Variants in IQSEC1 observed in about 807,000 individuals in gnomAD.
IQSEC1 encodes IQ motif and SEC7 domain-containing protein 1.
A neutral mutation model predicts 91.0 loss-of-function variants in IQSEC1; 31 were observed. That is an observed-to-expected ratio of 0.34 (90% confidence interval 0.26 to 0.46). IQSEC1 has a LOEUF of 0.46. IQSEC1 is among the 20% of genes least tolerant of loss of function. IQSEC1 has a pLI of 1.00. For missense variants in IQSEC1, 1,388 were observed against 1,575.6 expected (o/e 0.88, Z 2.02); for synonymous variants, 699 against 662.6 (o/e 1.05, Z -0.84).
At position 13,236,844 on chromosome 3, in the gene IQSEC1, C is replaced by T. The variant is rs530908667; in HGVS notation, c.272+45867G>A. Among the ~76,000 whole-genome samples, 19 of 152,330 alleles carry T rather than the reference C, an allele frequency of 1.2e-4. No homozygotes were observed. In the East Asian group the frequency reaches 2.9e-3, roughly 23 times the overall value. ...GGTCACCCCATGCAGCTGATGATGC[C>T]CCACCCCCACCCAGGGTACTTTGGG... is the stretch of plus-strand genomic sequence containing the variant. On this transcript the variant is annotated intron_variant, in intron 1 of 15. Coordinates refer to the IQSEC1 transcript ENST00000648114.
chr3:12,981,773 C>T (rs943016584), intron 1 of IQSEC1, among the ~76,000 whole-genome samples: 2 of 152,206 alleles, frequency 1.3e-5, no homozygotes, highest in African/African-American at 4.8e-5. Context: ...GGAGGACCCG[C>T]CTCCTGCTGC....
chr3:13,129,667 T>TC, intron 2 of IQSEC1, among the ~76,000 whole-genome samples: 1 of 149,370 alleles, frequency 6.7e-6, no homozygotes, highest in African/African-American at 2.5e-5. Flanking sequence ...TTTTTTTTTT[T>TC]TTTTTTTTGA....
At chr3:12,951,050 G>C (rs1699510180) in intron 1 of IQSEC1, among the ~76,000 whole-genome samples, 1 of 152,192 alleles carries the variant, frequency 6.6e-6, no homozygotes, top group Non-Finnish European at 1.5e-5. Flanking sequence ...GTTCAAGGCT[G>C]CAGTTAGCTA....
At chr3:12,918,963 T>G (rs542407151) in intron 6 of IQSEC1, among the ~76,000 whole-genome samples, 3 of 152,144 alleles carry the variant, frequency 2.0e-5, no homozygotes, top group African/African-American at 7.2e-5. Context: ...GGGCTGCCAA[T>G]AGCATGCAGC....
chr3:12,978,538 A>AT lies in IQSEC1; in HGVS notation c.24-36674dup, dbSNP rs550284651. 6.2e-4 allele frequency among the ~76,000 whole-genome samples: 94 copies of AT among 151,948 alleles called. 1 individual carries two copies. The South Asian group carries it at 0.019, about 31-fold the overall frequency. ...ACGGTGAAACCCCGTCTCTACTAAAATAAAAAAAACTACAAAAATTAGCCG... is the reference window on the plus strand; with the variant it reads ...ACGGTGAAACCCCGTCTCTACTAAAATTAAAAAAAACTACAAAAATTAGCCG... On this transcript the variant is annotated intron_variant, in intron 1 of 13. Transcript: ENST00000613206.
At chr3:13,246,662 G>T (rs1403403933) in intron 1 of IQSEC1, among the ~76,000 whole-genome samples, 2 of 152,206 alleles carry the variant, frequency 1.3e-5, no homozygotes, top group Non-Finnish European at 2.9e-5. Context: ...CCTGTGCCCT[G>T]CTCTGTGGAT....
intron 2 of IQSEC1, among the ~76,000 whole-genome samples, chr3:13,115,611 C>A (rs1003821206): frequency 6.6e-6 from 1 of 152,214 alleles, no homozygotes; most frequent in African/African-American, 2.4e-5. Flanking sequence ...CAGAGTCACT[C>A]GAGAGGGGCA....
At chr3:13,020,514 G>A (rs1703350772) in intron 1 of IQSEC1, among the ~76,000 whole-genome samples, 1 of 152,238 alleles carries the variant, frequency 6.6e-6, no homozygotes, top group African/African-American at 2.4e-5. Flanking sequence ...AGTAAACTGT[G>A]TGGCTGGGTT....
At chr3:12,984,814 C>CTT (rs1701642328) in intron 1 of IQSEC1, among the ~76,000 whole-genome samples, 2 of 138,478 alleles carry the variant, frequency 1.4e-5, no homozygotes, top group African/African-American at 5.7e-5. Flanking sequence ...AAAGCAATTA[C>CTT]ATTTTTTTTT....
chr3:13,279,572 C>A (rs551529579), intron 1 of IQSEC1, among the ~76,000 whole-genome samples: 1 of 152,228 alleles, frequency 6.6e-6, no homozygotes, highest in South Asian at 2.1e-4. Flanking sequence ...TAACTGTTGT[C>A]CCAGGACGAG....
chr3:13,023,720 C>T (rs989470047), intron 1 of IQSEC1, among the ~76,000 whole-genome samples: 2 of 152,212 alleles, frequency 1.3e-5, no homozygotes, highest in African/African-American at 4.8e-5. Context: ...TTCTCCATCC[C>T]CTGAGCCAGG....
Position 12,992,835 on chromosome 3 carries a change from G to A in IQSEC1, c.24-50970C>T, listed in dbSNP as rs1702048754. Among the ~76,000 whole-genome samples the A allele has an allele frequency of 6.6e-6, 1 of 152,192 alleles. No homozygotes were observed. Among genetic ancestry groups the A allele is most frequent in the Non-Finnish European group, 1.5e-5 (1 of 68,028 alleles). On this transcript the variant is annotated intron_variant, in intron 1 of 13. Coordinates refer to ENST00000613206, the MANE Select transcript of IQSEC1 (RefSeq NM_001134382.3). The surrounding 1 kb of genome is among the most constrained non-coding windows in gnomAD (Gnocchi z 4.1). ...GATCAGCTGTGACAGTTGAGAGCTT[G>A]GCAATTTAAAGTGACAACTGCCTGG...
At position 12,929,707 on chromosome 3, in the gene IQSEC1, C is replaced by T. The variant is rs551156350; in HGVS notation, c.1569-4965G>A. ...TATACCCGTTACTCTTTCTTTAGCTCTTCTTGATTCCACCCTGTAAGGACC... is the reference window on the plus strand; with the variant it reads ...TATACCCGTTACTCTTTCTTTAGCTTTTCTTGATTCCACCCTGTAAGGACC... On this transcript the variant is annotated intron_variant, in intron 3 of 13. Transcript: ENST00000613206. Among the ~76,000 whole-genome samples the T allele has an allele frequency of 7.9e-5, 12 of 152,294 alleles. No homozygotes were observed. The South Asian group carries it at 2.3e-3, about 29-fold the overall frequency.
At chr3:13,086,919 CCT>C (rs569629149) in intron 2 of IQSEC1, among the ~76,000 whole-genome samples, 165 of 152,336 alleles carry the variant, frequency 1.1e-3, no homozygotes, top group Middle Eastern at 3.4e-3. Context: ...AGGGTCACCC[CCT>C]GTCTTGGTTA....
At chr3:13,096,738 C>T (rs779540840) in intron 2 of IQSEC1, among the ~76,000 whole-genome samples, 13 of 152,168 alleles carry the variant, frequency 8.5e-5, no homozygotes, top group Admixed American at 2.6e-4. Flanking sequence ...AGCACTGTCA[C>T]GCTTGAAGGA....
intron 1 of IQSEC1, among the ~76,000 whole-genome samples, chr3:13,191,945 T>C (rs1286464563): frequency 1.3e-5 from 2 of 152,192 alleles, no homozygotes; most frequent in Non-Finnish European, 1.5e-5. Flanking sequence ...TGTATCCTCT[T>C]AAGGAGTTCA....
chr3:13,090,067 T>C (rs56168410), intron 2 of IQSEC1, among the ~76,000 whole-genome samples: 3 of 151,566 alleles, frequency 2.0e-5, no homozygotes, highest in Non-Finnish European at 2.9e-5. Flanking sequence ...ATACAAAAAA[T>C]ATTAGCGGGG....
intron 1 of IQSEC1, among the ~76,000 whole-genome samples, chr3:13,205,625 T>C (rs1369908217): frequency 6.9e-6 from 1 of 144,806 alleles, no homozygotes; most frequent in East Asian, 2.2e-4. Flanking sequence ...CCTCCACCCA[T>C]ACATCCCTCC....
At chr3:13,266,292 C>A (rs896570312) in intron 1 of IQSEC1, among the ~76,000 whole-genome samples, 7 of 152,226 alleles carry the variant, frequency 4.6e-5, no homozygotes, top group Non-Finnish European at 8.8e-5. Context: ...TCAATGCCAT[C>A]GCCCTTGGAC....
Sources: allele counts gnomAD v4.1 joint callset (sites outside exome capture counted in the v4.1 genomes callset), GRCh38; gene constraint gnomAD v4.1.1; non-coding constraint Gnocchi (gnomAD v3.1); transcripts MANE v1.5; gene names NCBI Gene and HGNC (gene_info 2026-07-23, HGNC 2026-07-21).